Variants in FAM83F observed in about 807,000 individuals in gnomAD.
FAM83F encodes the protein protein FAM83F.
In FAM83F, 45 loss-of-function variants were observed where a neutral mutation model predicts 42.9. The observed-to-expected ratio is 1.05, with a 90% CI of 0.83 to 1.35. The LOEUF (loss-of-function observed/expected upper bound fraction) is 1.35, where lower values mean the gene tolerates loss of function less well. Among genes scored for constraint, FAM83F ranks in the 40% most tolerant of loss-of-function variants. The probability of loss-of-function intolerance (pLI) is 0.00; values close to 1 mark genes in which losing one functional copy is unlikely to be tolerated. For missense variants in FAM83F, 617 were observed against 695.9 expected, an observed-to-expected ratio of 0.89 and a Z score of 1.28; for synonymous variants, 306 against 298.3, an observed-to-expected ratio of 1.03 and a Z score of -0.27.
At position 40,038,219 on chromosome 22, in the gene FAM83F, C is replaced by T. The variant is rs1197384111; in HGVS notation, c.*8654C>T. 2 of 152,262 alleles carry T rather than the reference C, an allele frequency of 1.3e-5. No homozygotes were observed. Among genetic ancestry groups the T allele is most frequent in the Non-Finnish European group, 2.9e-5 (2 of 68,132 alleles). The allele number at this position is 152,262 out of a possible 1,614,324, so 9.4% of individuals were successfully genotyped here. A position where few individuals can be genotyped will look rare whatever the true frequency, so the allele number is the denominator to read the frequency against. On this transcript the variant is annotated 3_prime_UTR_variant, in exon 5 of 5. Transcript: ENST00000333407. ...CATGTAAAGAAGCCCAGAGGAGGCACTTAACCTGGGGGAGAAGAACAGGGT... is the reference window on the plus strand; with the variant it reads ...CATGTAAAGAAGCCCAGAGGAGGCATTTAACCTGGGGGAGAAGAACAGGGT...
chr22:40,029,543 C>T lies in FAM83F; in HGVS notation c.1481C>T (p.Pro494Leu). Residue 494 changes from proline to leucine, a missense_variant, in exon 5 of 5, where the codon CCT becomes CTT. By Grantham distance (98) the Pro-to-Leu change is moderately conservative. Transcript: ENST00000333407. The part of the protein sequence containing the change: ...SGKTSPSSAK[P>L]SNCVIS ...AAAACAAGTCCCAGTTCTGCCAAGC[C>T]TAGCAACTGTGTGATTTCCTGAGCT... 12 of 1,612,724 alleles carry T rather than the reference C, an allele frequency of 7.4e-6. No homozygotes were observed. The highest frequency in any genetic ancestry group is 1.0e-5 in the Non-Finnish European group (12 of 1,179,466).
chr22:40,011,828 G>A (rs761179974), intron 1 of FAM83F, among the ~76,000 whole-genome samples: 3 of 152,244 alleles, frequency 2.0e-5, no homozygotes, highest in South Asian at 4.1e-4. Flanking sequence ...CAACATCTTT[G>A]TTCTGGCCCC....
At chr22:40,017,292 A>T (rs1262665444) in intron 1 of FAM83F, among the ~76,000 whole-genome samples, 2 of 146,744 alleles carry the variant, frequency 1.4e-5, no homozygotes, top group African/African-American at 2.6e-5. Flanking sequence ...GCAATGGTAC[A>T]ATCTCGGCTC....
In FAM83F at chr22:40,037,854, A is replaced by ATGGGGTCTTG. The variant is rs2067634093; in HGVS notation, c.*8289_*8290insTGGGGTCTTG. The ATGGGGTCTTG allele has an allele frequency of 1.3e-5, 2 of 151,150 alleles. No individual in the cohort carries two copies. 9.4% of individuals were successfully genotyped at this position (151,150 alleles called of 1,614,324 possible). On this transcript the variant is annotated 3_prime_UTR_variant, in exon 5 of 5. Transcript: ENST00000333407. ...CGCCTCAGCCTCCCAAGTAGCTGGG[A>ATGGGGTCTTG]CTACAGGCATGCACCACCCTGCCCA... is the stretch of plus-strand genomic sequence containing the variant.
intron 1 of FAM83F, among the ~76,000 whole-genome samples, chr22:40,005,158 C>G (rs2067421130): frequency 6.6e-6 from 1 of 152,186 alleles, no homozygotes; most frequent in African/African-American, 2.4e-5. Context: ...GGCAAACTGC[C>G]AACTCCATTT....
In FAM83F at chr22:40,029,775, GCTGGGC is replaced by G; in HGVS notation, c.*211_*216del. On this transcript the variant is annotated 3_prime_UTR_variant, in exon 5 of 5. Coordinates refer to ENST00000333407, the MANE Select transcript of FAM83F (RefSeq NM_138435.4). ...ACACGCCTCCACCGGACTGTCGGTGGCTGGGCAGGGGTCAGTGCCACGGCCTCCTTG... is the reference window on the plus strand; with the variant it reads ...ACACGCCTCCACCGGACTGTCGGTGGAGGGGTCAGTGCCACGGCCTCCTTG... The G allele has an allele frequency of 1.5e-6, 1 of 665,624 alleles. No individual in the cohort carries two copies. The highest frequency in any genetic ancestry group is 2.5e-6 in the Non-Finnish European group (1 of 408,124). 41.2% of individuals were successfully genotyped at this position (665,624 alleles called of 1,614,324 possible). A position where few individuals can be genotyped will look rare whatever the true frequency, so the allele number is the denominator to read the frequency against.
At chr22:40,008,285 G>A (rs960622174) in intron 1 of FAM83F, among the ~76,000 whole-genome samples, 3 of 152,254 alleles carry the variant, frequency 2.0e-5, no homozygotes, top group African/African-American at 7.2e-5. Context: ...CGGGAGCTCA[G>A]CGGGCCCCCC....
chr22:40,016,226 C>T (rs1163465319), intron 1 of FAM83F, among the ~76,000 whole-genome samples: 3 of 151,992 alleles, frequency 2.0e-5, no homozygotes, highest in African/African-American at 7.3e-5. Context: ...GAGATAGAGT[C>T]TCACTCTGTC....
chr22:40,017,147 C>T (rs1459796151), intron 1 of FAM83F, among the ~76,000 whole-genome samples: 2 of 151,694 alleles, frequency 1.3e-5, no homozygotes, highest in Non-Finnish European at 2.9e-5. Flanking sequence ...TGGCAGAGCA[C>T]ACATGTGAAG....
intron 4 of FAM83F, among the ~76,000 whole-genome samples, chr22:40,028,091 C>T (rs1388262208): frequency 3.3e-5 from 5 of 152,264 alleles, no homozygotes; most frequent in East Asian, 1.9e-4. Flanking sequence ...CCGCCCCAGA[C>T]GTGCTCGGCA....
rs2067521597 is a variant in FAM83F, at chr22:40,021,544, C to T, written c.1034C>T (p.Ala345Val). Residue 345 changes from alanine (A) to valine (V), a missense_variant, in exon 4 of 5, where the codon GCC becomes GTC. Ala to Val is a moderately conservative substitution (Grantham distance 64, BLOSUM62 0). Coordinates refer to ENST00000333407, the MANE Select transcript of FAM83F (RefSeq NM_138435.4). The surrounding 1 kb of genome is among the most constrained non-coding windows in gnomAD (Gnocchi z 8.7). ...CCTGGGGAGATGATGCGCTGGGCTG[C>T]CCGGCAACAGCGGGAGGCGGGCGGC... The part of the protein sequence containing the change: ...HPPGEMMRWA[A>V]RQQREAGGNP... 1 of 1,566,126 alleles carries T rather than the reference C, an allele frequency of 6.4e-7. No individual in the cohort carries two copies. Among genetic ancestry groups the T allele is most frequent in the East Asian group, 2.3e-5 (1 of 44,162 alleles).
chr22:40,029,713 C>G lies in FAM83F; in HGVS notation c.*148C>G. ...AGCCTCCGTCCTGGCCTCAGGGACG[C>G]TGGATCCCAAATGAGAGGGTCCGAA... On this transcript the variant is annotated 3_prime_UTR_variant, in exon 5 of 5. Transcript: ENST00000333407. The G allele has an allele frequency of 8.5e-7, 1 of 1,177,816 alleles. No individual in the cohort carries two copies. Among genetic ancestry groups the G allele is most frequent in the Non-Finnish European group, 1.2e-6 (1 of 856,118 alleles). 73.0% of individuals were successfully genotyped at this position (1,177,816 alleles called of 1,614,324 possible). A position where few individuals can be genotyped will look rare whatever the true frequency, so the allele number is the denominator to read the frequency against.
rs955918994 is a variant in FAM83F at position 40,040,745 on chromosome 22, CCAAG to C, written c.*11187_*11190del. On this transcript the variant is annotated 3_prime_UTR_variant, in exon 5 of 5. Coordinates refer to ENST00000333407, the MANE Select transcript of FAM83F (RefSeq NM_138435.4). ...CTTTGGCAATGGCTACACCCACTGC[CCAAG>C]CAAGCAGTATCAGCTGTCAGCTGTC... The C allele has an allele frequency of 2.0e-5, 3 of 152,204 alleles. No individual in the cohort carries two copies. Among genetic ancestry groups the C allele is most frequent in the African/African-American group, 7.2e-5 (3 of 41,454 alleles). The allele number at this position is 152,204 out of a possible 1,614,324, so 9.4% of individuals were successfully genotyped here.
chr22:40,024,742 T>C (rs73165028), intron 4 of FAM83F, among the ~76,000 whole-genome samples: 30 of 152,306 alleles, frequency 2.0e-4, no homozygotes, highest in Non-Finnish European at 3.8e-4. Flanking sequence ...AGAACCTGAG[T>C]TGATGACAGT....
rs776284819 is a variant in FAM83F at position 40,031,360 on chromosome 22, G to A, written c.*1795G>A. The A allele has an allele frequency of 3.3e-5, 5 of 152,254 alleles. No individual in the cohort carries two copies. Among genetic ancestry groups the A allele is most frequent in the Non-Finnish European group, 7.3e-5 (5 of 68,092 alleles). The allele number at this position is 152,254 out of a possible 1,614,324, so 9.4% of individuals were successfully genotyped here. On this transcript the variant is annotated 3_prime_UTR_variant, in exon 5 of 5. Coordinates refer to ENST00000333407, the MANE Select transcript of FAM83F (RefSeq NM_138435.4). ...AACGCGGCAAAGAGATCACTCTCTG[G>A]TGTGGAGGGTGGGTGTCTCTGGGGA...
chr22:40,010,600 CT>C (rs1277834989), intron 1 of FAM83F, among the ~76,000 whole-genome samples: 2 of 152,226 alleles, frequency 1.3e-5, no homozygotes, highest in Admixed American at 6.5e-5. Context: ...GCCAGCTTCC[CT>C]GCTTAATTTT....
At chr22:40,004,372 G>A (rs962220076) in intron 1 of FAM83F, among the ~76,000 whole-genome samples, 2 of 150,126 alleles carry the variant, frequency 1.3e-5, no homozygotes, top group South Asian at 2.1e-4. Context: ...CTCTTATCTC[G>A]GCTCACTGCA....
At chr22:40,028,514 A>G (rs1265748758) in intron 4 of FAM83F, among the ~76,000 whole-genome samples, 1 of 152,118 alleles carries the variant, frequency 6.6e-6, no homozygotes, top group East Asian at 1.9e-4. Context: ...CTCCGAGGAC[A>G]TGGGCTCCCC....
In FAM83F at chr22:39,995,735, G is replaced by A. The variant is rs147517818; in HGVS notation, c.489+204G>A. ...CGTGTTTGGCAAATTACAAGGTGCT[G>A]GACAGATGTCAGCCGTCGGTATTCC... On this transcript the variant is annotated intron_variant, in intron 1 of 4. Transcript: ENST00000333407. The surrounding 1 kb of genome is among the most constrained non-coding windows in gnomAD (Gnocchi z 4.6). Among the ~76,000 whole-genome samples, 63 of 152,330 alleles carry A rather than the reference G, an allele frequency of 4.1e-4. No individual in the cohort carries two copies. The highest frequency in any genetic ancestry group is 3.4e-3 in the Middle Eastern group (1 of 294).
Sources: gnomAD v4.1 joint callset for allele counts (sites outside exome capture counted in the v4.1 genomes callset) on GRCh38, gnomAD v4.1.1 for gene constraint, Gnocchi (gnomAD v3.1) non-coding constraint, MANE v1.5 for transcripts, NCBI Gene and HGNC (gene_info 2026-07-23, HGNC 2026-07-21) for gene names.